LOC128462377: variants seen among roughly 807,000 people sequenced by gnomAD.
the LOC128462377 span, among the ~76,000 whole-genome samples, chr16:89,384,874 G>GTTTTTTTTTTTTTTTTTTTTT: frequency 2.7e-5 from 2 of 72,750 alleles, no homozygotes; most frequent in African/African-American, 5.6e-5. Flanking sequence ...ATGAGAAATA[G>GTTTTTTTTTTTTTTTTTTTTT]TTTTCTTTTT....
the LOC128462377 span, among the ~76,000 whole-genome samples, chr16:89,380,244 T>C: frequency 3.3e-5 from 5 of 152,088 alleles, no homozygotes; most frequent in Non-Finnish European, 5.9e-5. Context: ...CCCCGAGTAG[T>C]TGGTATTACA....
At chr16:89,340,314 G>A in the LOC128462377 span, among the ~76,000 whole-genome samples, 1 of 152,240 alleles carries the variant, frequency 6.6e-6, no homozygotes, top group Non-Finnish European at 1.5e-5. Context: ...GTCTCGCTCT[G>A]TCGCCCAGGC....
At chr16:89,338,354 T>A in the LOC128462377 span, among the ~76,000 whole-genome samples, 1 of 148,512 alleles carries the variant, frequency 6.7e-6, no homozygotes, top group South Asian at 2.1e-4. Context: ...AAATACTGAC[T>A]ACCTGCAAAA....
At chr16:89,324,228 C>T in the LOC128462377 span, 1 of 1,197,110 alleles carries the variant, frequency 8.4e-7, no homozygotes, top group Non-Finnish European at 1.1e-6. Flanking sequence ...CTCTGCTTTG[C>T]CCCTCAGACA....
chr16:89,324,301 G>A, the LOC128462377 span: 2,421 of 1,269,568 alleles, frequency 1.9e-3, 11 homozygotes, highest in Middle Eastern at 0.022. Flanking sequence ...CGGACCACCC[G>A]ACAGGAGCAC....
At chr16:89,409,853 T>TA in the LOC128462377 span, among the ~76,000 whole-genome samples, 1 of 152,138 alleles carries the variant, frequency 6.6e-6, no homozygotes, top group African/African-American at 2.4e-5. Flanking sequence ...TTTATTTATT[T>TA]TTTGAGATGG....
the LOC128462377 span, among the ~76,000 whole-genome samples, chr16:89,407,217 G>A: frequency 7.3e-5 from 11 of 151,592 alleles, no homozygotes; most frequent in South Asian, 2.1e-4. Context: ...CACGCAGACA[G>A]AAAAGAATGA....
At chr16:89,336,151 C>CT in the LOC128462377 span, among the ~76,000 whole-genome samples, 1 of 152,212 alleles carries the variant, frequency 6.6e-6, no homozygotes, top group Admixed American at 6.5e-5. Context: ...GAACCCAGGC[C>CT]TCTGGCCACT....
At chr16:89,317,732 G>C in the LOC128462377 span, among the ~76,000 whole-genome samples, 2 of 152,162 alleles carry the variant, frequency 1.3e-5, no homozygotes, top group Non-Finnish European at 2.9e-5. Context: ...GAAATCCGAG[G>C]ACACATACTG....
At chr16:89,357,289 A>T in the LOC128462377 span, among the ~76,000 whole-genome samples, 5 of 152,298 alleles carry the variant, frequency 3.3e-5, no homozygotes, top group South Asian at 6.2e-4. Flanking sequence ...CCATGAAGGA[A>T]GGGCAGTCAG....
the LOC128462377 span, chr16:89,370,625 A>C: frequency 6.6e-6 from 1 of 152,428 alleles, no homozygotes. Flanking sequence ...GACCGACTGA[A>C]GCCTAGGACG....
At chr16:89,384,676 A>G in the LOC128462377 span, among the ~76,000 whole-genome samples, 1 of 152,032 alleles carries the variant, frequency 6.6e-6, no homozygotes, top group Non-Finnish European at 1.5e-5. Context: ...GAAGACACAA[A>G]CTACAGAAAG....
At chr16:89,329,899 G>A in the LOC128462377 span, among the ~76,000 whole-genome samples, 1 of 152,004 alleles carries the variant, frequency 6.6e-6, no homozygotes, top group Non-Finnish European at 1.5e-5. Context: ...CCAGCTACTT[G>A]GGAGGCTGAG....
At chr16:89,355,625 A>G in the LOC128462377 span, among the ~76,000 whole-genome samples, 1 of 152,194 alleles carries the variant, frequency 6.6e-6, no homozygotes, top group Non-Finnish European at 1.5e-5. Context: ...CAGTATCGCC[A>G]GGATCAAAAG....
the LOC128462377 span, among the ~76,000 whole-genome samples, chr16:89,344,465 A>G: frequency 6.6e-6 from 1 of 152,194 alleles, no homozygotes; most frequent in Non-Finnish European, 1.5e-5. Context: ...GAAAATATCC[A>G]TCTGTCTGAA....
the LOC128462377 span, among the ~76,000 whole-genome samples, chr16:89,337,303 C>T: frequency 2.0e-5 from 3 of 151,808 alleles, no homozygotes; most frequent in Non-Finnish European, 2.9e-5. Flanking sequence ...TCAGGTGGCT[C>T]GGAATCCTCC....
chr16:89,369,036 C>G, the LOC128462377 span, among the ~76,000 whole-genome samples: 2 of 151,976 alleles, frequency 1.3e-5, no homozygotes, highest in Non-Finnish European at 2.9e-5. Context: ...ACTGAGAGAC[C>G]CCCCACTGGC....
At chr16:89,317,371 G>A in the LOC128462377 span, among the ~76,000 whole-genome samples, 2 of 152,240 alleles carry the variant, frequency 1.3e-5, no homozygotes, top group African/African-American at 4.8e-5. Context: ...CTGGGTGGCA[G>A]TCAGCAGCAC....
At chr16:89,381,437 G>A in the LOC128462377 span, among the ~76,000 whole-genome samples, 10 of 151,484 alleles carry the variant, frequency 6.6e-5, no homozygotes, top group African/African-American at 2.4e-4. Flanking sequence ...TACCAGTTTA[G>A]GGTTATTGTA....
Sources: gnomAD v4.1 joint callset for allele counts (sites outside exome capture counted in the v4.1 genomes callset) on GRCh38, gnomAD v4.1.1 for gene constraint, MANE v1.5 for transcripts.